SCAI: variants seen among roughly 807,000 people sequenced by gnomAD.
SCAI encodes the protein protein SCAI.
SCAI carries 24 observed loss-of-function variants against 92.2 expected under a neutral mutation model. The observed-to-expected ratio is 0.26, with a 90% CI of 0.19 to 0.37. The LOEUF (loss-of-function observed/expected upper bound fraction) is 0.37, where lower values mean the gene tolerates loss of function less well. Among genes scored for constraint, SCAI ranks in the 10% least tolerant of loss-of-function variants. The pLI is 1.00. For missense variants in SCAI, 450 were observed against 736.2 expected (o/e 0.61, Z 4.50); for synonymous variants, 261 against 258.6 (o/e 1.01, Z -0.09).
At chr9:124,987,893 G>A (rs1010648673) in intron 14 of SCAI, among the ~76,000 whole-genome samples, 7 of 152,100 alleles carry the variant, frequency 4.6e-5, no homozygotes, top group African/African-American at 1.7e-4. Context: ...AACCCGGGAG[G>A]CAGAGGTTGT....
At chr9:125,050,552 T>C (rs947921737) in intron 3 of SCAI, among the ~76,000 whole-genome samples, 1 of 152,188 alleles carries the variant, frequency 6.6e-6, no homozygotes, top group Non-Finnish European at 1.5e-5. Context: ...AGGTCTAATA[T>C]TGAACAAAGA....
intron 14 of SCAI, among the ~76,000 whole-genome samples, chr9:124,981,171 CATAT>C (rs1245632013): frequency 1.6e-4 from 25 of 152,240 alleles, no homozygotes; most frequent in African/African-American, 5.8e-4. Context: ...AGACATAGCT[CATAT>C]ATAAAGTTGC....
chr9:125,039,809 C>T (rs1280833579), intron 3 of SCAI, among the ~76,000 whole-genome samples: 2 of 152,148 alleles, frequency 1.3e-5, no homozygotes, highest in African/African-American at 4.8e-5. Flanking sequence ...GCAACTGTCC[C>T]ACTGGCCAAA....
At chr9:124,960,433 CAGG>C (rs1831415232) in intron 17 of SCAI, among the ~76,000 whole-genome samples, 1 of 152,112 alleles carries the variant, frequency 6.6e-6, no homozygotes, top group Non-Finnish European at 1.5e-5. Flanking sequence ...ATGTATTCAT[CAGG>C]AGGAGAATGC....
chr9:125,109,127 G>C (rs577467178), intron 2 of SCAI, among the ~76,000 whole-genome samples: 43 of 152,308 alleles, frequency 2.8e-4, no homozygotes, highest in Admixed American at 1.5e-3. Flanking sequence ...GGCAGTGCAA[G>C]ATGTGCTTTC....
chr9:124,952,819 A>G lies in SCAI; in HGVS notation c.1809T>C (p.Ile603=), dbSNP rs200755456. 21 of 1,612,194 alleles carry G rather than the reference A, an allele frequency of 1.3e-5. No homozygotes were observed. The highest frequency in any genetic ancestry group is 1.8e-5 in the Non-Finnish European group (21 of 1,179,324). ...CAGGGTTTTTGTTTTAATAGTCATC[A>G]ATGGTATTCTCAAAGAACACGTTTC... The part of the protein sequence containing the change: ...DVRNVFFENT[I]DDY The change falls in exon 18 of 18, where the codon ATT becomes ATC. Residue 603 remains isoleucine (I), a synonymous_variant. Coordinates refer to ENST00000336505, the MANE Select transcript of SCAI (RefSeq NM_001144877.3).
chr9:125,005,192 G>C (rs1832478092), intron 9 of SCAI, among the ~76,000 whole-genome samples: 2 of 151,936 alleles, frequency 1.3e-5, no homozygotes, highest in East Asian at 1.9e-4. Flanking sequence ...AGAACTTCAG[G>C]AACACACATG....
At chr9:124,980,835 TG>T (rs1831870774) in intron 14 of SCAI, among the ~76,000 whole-genome samples, 2 of 152,220 alleles carry the variant, frequency 1.3e-5, no homozygotes, top group South Asian at 4.1e-4. Flanking sequence ...TGCCGAGTCC[TG>T]TGAATCTTCC....
intron 2 of SCAI, among the ~76,000 whole-genome samples, chr9:125,136,312 T>C (rs1318623438): frequency 6.6e-6 from 1 of 151,930 alleles, no homozygotes; most frequent in Non-Finnish European, 1.5e-5. Context: ...GGTTTCACCA[T>C]GTTGCCCAGA....
chr9:125,024,277 G>GTTT (rs777338173), intron 6 of SCAI, among the ~76,000 whole-genome samples: 2 of 137,432 alleles, frequency 1.5e-5, no homozygotes, highest in Non-Finnish European at 3.2e-5. Context: ...TTTTTATGAA[G>GTTT]TTTTTTTTTT....
chr9:124,968,764 C>T (rs931535243), intron 17 of SCAI: 3 of 1,038,904 alleles, frequency 2.9e-6, no homozygotes, highest in African/African-American at 1.6e-5. Flanking sequence ...TTCAAACTGG[C>T]ATGGTGGGGT....
At chr9:125,130,936 CTTTTTT>C (rs545651994) in intron 2 of SCAI, among the ~76,000 whole-genome samples, 18 of 77,268 alleles carry the variant, frequency 2.3e-4, no homozygotes, top group African/African-American at 6.5e-4. Context: ...GTTTGAACCG[CTTTTTT>C]TTTTTTTTTT....
At chr9:124,991,418 T>C (rs1832120900) in intron 14 of SCAI, among the ~76,000 whole-genome samples, 1 of 148,930 alleles carries the variant, frequency 6.7e-6, no homozygotes, top group African/African-American at 2.5e-5. Flanking sequence ...TACATGAAAC[T>C]GTTTAAATGA....
intron 2 of SCAI, among the ~76,000 whole-genome samples, chr9:125,086,216 C>A (rs1834323382): frequency 6.6e-6 from 1 of 152,148 alleles, no homozygotes; most frequent in African/African-American, 2.4e-5. Flanking sequence ...CTTACAATAA[C>A]CTCTTACTTA....
intron 17 of SCAI, chr9:124,968,780 G>C: frequency 1.1e-6 from 1 of 880,502 alleles, no homozygotes; most frequent in Non-Finnish European, 1.9e-6. Context: ...GGGGTGCGCA[G>C]GCCACGGCGA....
intron 4 of SCAI, among the ~76,000 whole-genome samples, chr9:125,028,801 T>A (rs1033029753): frequency 6.6e-6 from 1 of 152,118 alleles, no homozygotes; most frequent in Non-Finnish European, 1.5e-5. Flanking sequence ...ACATTACTCT[T>A]TTTTTTCCTT....
At chr9:125,095,701 T>C (rs554702399) in intron 2 of SCAI, among the ~76,000 whole-genome samples, 1 of 152,366 alleles carries the variant, frequency 6.6e-6, no homozygotes, top group South Asian at 2.1e-4. Context: ...CTCTTCCTCC[T>C]GACTTTCCCC....
chr9:124,946,906 A>G lies in SCAI; in HGVS notation c.*5901T>C, dbSNP rs2131560807. ...TTGATATGCAAGTCCAGTAAGAAAA[A>G]ATCTGTAGCCGGAAATGCCAAGACA... On this transcript the variant is annotated 3_prime_UTR_variant, in exon 18 of 18. Transcript: ENST00000336505. The surrounding 1 kb of genome is among the most constrained non-coding windows in gnomAD (Gnocchi z 4.0). The G allele has an allele frequency of 6.6e-6, 1 of 152,316 alleles. No individual in the cohort carries two copies. The highest frequency in any genetic ancestry group is 2.4e-5 in the African/African-American group (1 of 41,570). The allele number at this position is 152,316 out of a possible 1,614,324, so 9.4% of individuals were successfully genotyped here.
At chr9:125,128,866 C>G (rs1188121034) in intron 2 of SCAI, among the ~76,000 whole-genome samples, 1 of 151,834 alleles carries the variant, frequency 6.6e-6, no homozygotes, top group Admixed American at 6.6e-5. Context: ...AGTTCACGAC[C>G]AGCCTGGCCA....
Sources: gnomAD v4.1 joint callset for allele counts (sites outside exome capture counted in the v4.1 genomes callset) on GRCh38, gnomAD v4.1.1 for gene constraint, Gnocchi (gnomAD v3.1) non-coding constraint, MANE v1.5 for transcripts, NCBI Gene and HGNC (gene_info 2026-07-23, HGNC 2026-07-21) for gene names.